SP110: variants seen among roughly 807,000 people sequenced by gnomAD.
SP110 encodes SP110 nuclear body protein, also known as interferon-induced protein 41, 30kD.
A neutral mutation model predicts 92.7 loss-of-function variants in SP110; 62 were observed. The ratio of observed to expected loss-of-function variants is 0.67; its 90% confidence interval spans 0.55 to 0.83. SP110 has a LOEUF of 0.83. Among genes scored for constraint, SP110 ranks in the 40% least tolerant of loss-of-function variants. SP110 has a pLI of 0.00. For missense variants in SP110, 793 were observed against 863.9 expected (o/e 0.92, Z 1.03); for synonymous variants, 273 against 305.3 (o/e 0.89, Z 1.10).
At chr2:230,181,262 T>G (rs77807964) in intron 12 of SP110, among the ~76,000 whole-genome samples, 1 of 152,246 alleles carries the variant, frequency 6.6e-6, no homozygotes, top group Non-Finnish European at 1.5e-5. Context: ...TTTTTCTAAC[T>G]CACACACATG....
intron 18 of SP110, 138 bp downstream of exon 18, chr2:230,170,482 TG>T: frequency 2.1e-6 from 2 of 968,330 alleles, no homozygotes; most frequent in Non-Finnish European, 1.6e-6. Context: ...AATGCCGAGG[TG>T]GTTTTTTTTC....
chr2:230,176,697 T>TAGCTCTC (rs756422835), intron 14 of SP110: 44 of 1,613,894 alleles, frequency 2.7e-5, no homozygotes, highest in Non-Finnish European at 3.5e-5. Context: ...TTGAGATTTA[T>TAGCTCTC]TCTTGGAGGA....
In SP110 at chr2:230,178,244, T is replaced by G. The variant is rs778751590; in HGVS notation, c.1360A>C (p.Ser454Arg). 6.2e-7 allele frequency: 1 copy of G among 1,609,850 alleles called. No homozygotes were observed. Among genetic ancestry groups the G allele is most frequent in the African/African-American group, 1.3e-5 (1 of 74,824 alleles). Reference protein sequence around the residue: ...KNIHRRGKPKSDTVDFHCSKL... With the variant: ...KNIHRRGKPKRDTVDFHCSKL... ...GAACAGTGAAAATCCACAGTGTCAC[T>G]TTTGGGTTTTCCTTAAAGTAGAAGA... The change falls in exon 13 of 19, where the codon AGT becomes CGT. Residue 454 changes from serine (S) to arginine (R), a missense_variant. Transcript: ENST00000258381.
At chr2:230,185,130 T>C (rs2042297290) in intron 11 of SP110, among the ~76,000 whole-genome samples, 1 of 152,208 alleles carries the variant, frequency 6.6e-6, no homozygotes. Context: ...CAGCCCTACA[T>C]CACTGACACT....
intron 17 of SP110, 117 bp from the exon 18 acceptor site, chr2:230,170,878 C>T (rs1344145233): frequency 9.8e-7 from 1 of 1,024,086 alleles, no homozygotes; most frequent in African/African-American, 1.6e-5. Context: ...ACCATTTGAC[C>T]TCTTTAAGCC....
intron 14 of SP110, 130 bp from the exon 15 acceptor site, chr2:230,173,089 G>C (rs1189453089): frequency 1.5e-6 from 1 of 689,032 alleles, no homozygotes; most frequent in Non-Finnish European, 2.7e-6. Flanking sequence ...TTGATGGGGG[G>C]AGCTGATGCC....
intron 8 of SP110, chr2:230,203,784 G>A (rs1428681767): frequency 2.0e-5 from 3 of 152,270 alleles, no homozygotes; most frequent in Non-Finnish European, 4.4e-5. Context: ...AAATAAAGCT[G>A]ATTAATTAAA....
At chr2:230,176,826 A>G (rs558967685) in intron 14 of SP110, 21 of 1,213,260 alleles carry the variant, frequency 1.7e-5, no homozygotes, top group African/African-American at 1.0e-4. Context: ...CCCAGACATC[A>G]CACTGGATCT....
In SP110 at chr2:230,210,023, AT is replaced by A. The variant is rs776591927; in HGVS notation, c.752-16del. 2.1e-5 allele frequency: 32 copies of A among 1,518,616 alleles called. 1 individual carries two copies. In the East Asian group the frequency reaches 7.2e-4, roughly 34 times the overall value. The allele number at this position is 1,518,616 out of a possible 1,614,324, so 94.1% of individuals were successfully genotyped here. Reference sequence around the variant, plus strand: ...ATCTCTTATCTCTGACAAAAGAAATATAAGTCATTTCAGAGCTCAGATCCAG... The same window carrying A: ...ATCTCTTATCTCTGACAAAAGAAATAAAGTCATTTCAGAGCTCAGATCCAG... On this transcript the variant is annotated splice_polypyrimidine_tract_variant and intron_variant, in intron 6 of 18. Coordinates refer to ENST00000258381, the MANE Select transcript of SP110 (RefSeq NM_080424.4).
chr2:230,194,006 T>C (rs2042751735), intron 10 of SP110, among the ~76,000 whole-genome samples: 1 of 152,160 alleles, frequency 6.6e-6, no homozygotes, highest in African/African-American at 2.4e-5. Flanking sequence ...ACAGAGAGTA[T>C]GTTTCCTCCA....
chr2:230,191,820 G>T (rs2098968), intron 10 of SP110, among the ~76,000 whole-genome samples: 2 of 151,826 alleles, frequency 1.3e-5, no homozygotes, highest in Admixed American at 1.3e-4. Flanking sequence ...ACTGGGAAGA[G>T]ACACAACAAA....
Position 230,186,156 on chromosome 2 carries a change from G to A in SP110, c.1130-13C>T. On this transcript the variant is annotated splice_polypyrimidine_tract_variant and intron_variant, in intron 10 of 18. Transcript: ENST00000258381. ...GGTGAGGCTGCCCCTGGACCAAATA[G>A]ACTTGTGAATAGTTTAGTGAGCTCC... is the stretch of plus-strand genomic sequence containing the variant. The A allele has an allele frequency of 6.2e-7, 1 of 1,613,748 alleles. No individual in the cohort carries two copies. The highest frequency in any genetic ancestry group is 8.5e-7 in the Non-Finnish European group (1 of 1,179,760).
At position 230,177,852 on chromosome 2, in the gene SP110, C is replaced by A. The variant is rs558044891; in HGVS notation, c.1448-172G>T. 1.4e-4 allele frequency among the ~76,000 whole-genome samples: 22 copies of A among 152,280 alleles called. No homozygotes were observed. The South Asian group carries it at 4.6e-3, about 32-fold the overall frequency. On this transcript the variant is annotated intron_variant, in intron 13 of 18. Transcript: ENST00000258381. ...CCTCTTCTCTTGGACTGAAGCCAGCCCTAAAGCCTGACTGAGTGGTGAGGG... is the reference window on the plus strand; with the variant it reads ...CCTCTTCTCTTGGACTGAAGCCAGCACTAAAGCCTGACTGAGTGGTGAGGG...
At chr2:230,205,148 T>C (rs2043625521) in intron 8 of SP110, among the ~76,000 whole-genome samples, 1 of 152,180 alleles carries the variant, frequency 6.6e-6, no homozygotes, top group African/African-American at 2.4e-5. Flanking sequence ...CCAATAGACC[T>C]TGTCAATATG....
intron 9 of SP110, 105 bp from the exon 10 acceptor site, chr2:230,201,070 C>A: frequency 5.7e-6 from 5 of 871,052 alleles, no homozygotes; most frequent in Non-Finnish European, 9.8e-6. Context: ...GTCTTGGAGG[C>A]TCCAGGTCTT....
intron 12 of SP110, among the ~76,000 whole-genome samples, chr2:230,179,610 T>C (rs2042036281): frequency 7.2e-6 from 1 of 139,416 alleles, no homozygotes; most frequent in African/African-American, 2.8e-5. Context: ...AGGTTCCTAA[T>C]GTGAGGGAAA....
intron 7 of SP110, among the ~76,000 whole-genome samples, 162 bp downstream of exon 7, chr2:230,209,769 G>C (rs1465979092): frequency 6.6e-6 from 1 of 152,134 alleles, no homozygotes; most frequent in Non-Finnish European, 1.5e-5. Flanking sequence ...TTTCATAAAG[G>C]CCTTTTTGGA....
At chr2:230,202,826 C>T in intron 8 of SP110, 98 bp from the exon 9 acceptor site, 1 of 1,129,474 alleles carries the variant, frequency 8.9e-7, no homozygotes, top group Non-Finnish European at 1.4e-6. Context: ...CCCCTAACTC[C>T]CACTCTTTCA....
intron 14 of SP110, chr2:230,173,168 C>T: frequency 1.9e-6 from 1 of 539,912 alleles, no homozygotes; most frequent in Admixed American, 2.4e-5. Flanking sequence ...ACCGCCGCCA[C>T]CAGGACTTTT....
Sources: gnomAD v4.1 joint callset for allele counts (sites outside exome capture counted in the v4.1 genomes callset) on GRCh38, gnomAD v4.1.1 for gene constraint, MANE v1.5 for transcripts, NCBI Gene and HGNC (gene_info 2026-07-23, HGNC 2026-07-21) for gene names.